The following SOAT1 variants were observed in gnomAD, a reference collection of about 807,000 sequenced individuals.
SOAT1 encodes the protein sterol O-acyltransferase 1.
A neutral mutation model predicts 69.5 loss-of-function variants in SOAT1; 55 were observed. The ratio of observed to expected loss-of-function variants is 0.79; its 90% CI spans 0.64 to 0.99. The LOEUF (loss-of-function observed/expected upper bound fraction) is 0.99, where lower values mean the gene tolerates loss of function less well. SOAT1 is among the 50% of genes least tolerant of loss of function. SOAT1 has a pLI of 0.00. For synonymous variants in SOAT1, 231 were observed against 224.7 expected (o/e 1.03, Z -0.25); for missense variants, 580 against 669.3 (o/e 0.87, Z 1.47).
At position 179,322,917 on chromosome 1, in the gene SOAT1, T is replaced by C. The variant is rs370966220; in HGVS notation, c.119-520T>C. 2.0e-5 allele frequency among the ~76,000 whole-genome samples: 3 copies of C among 152,222 alleles called. No individual in the cohort carries two copies. The East Asian group carries it at 5.8e-4, about 29-fold the overall frequency. On this transcript the variant is annotated intron_variant, in intron 2 of 15. Transcript: ENST00000367619. ...GACTTTGCCATTCTGTAAAGTATTG[T>C]CCTCTGTGTACTATTCTGCAAAAAT...
chr1:179,341,157 C>T lies in SOAT1; in HGVS notation c.627C>T (p.Gly209=), dbSNP rs1420665723. 6.2e-7 allele frequency: 1 copy of T among 1,614,100 alleles called. No homozygotes were observed. The highest frequency in any genetic ancestry group is 2.2e-5 in the East Asian group (1 of 44,876). ...TTCTGTTTCAACATTGGGCCACTGG[C>T]TATAGCAAGAGTTCTCATCCGCTGA... ...PYFLFQHWAT[G]YSKSSHPLIR... The change falls in exon 7 of 16, where the codon GGC becomes GGT. Residue 209 remains glycine, a synonymous_variant. Coordinates refer to ENST00000367619, the MANE Select transcript of SOAT1 (RefSeq NM_003101.6).
At chr1:179,329,500 C>A (rs867798862) in intron 3 of SOAT1, among the ~76,000 whole-genome samples, 1 of 151,980 alleles carries the variant, frequency 6.6e-6, no homozygotes, top group Non-Finnish European at 1.5e-5. Context: ...TTGAGGCTGG[C>A]GGATCACATG....
intron 12 of SOAT1, among the ~76,000 whole-genome samples, chr1:179,348,454 G>A (rs1274645283): frequency 6.6e-6 from 1 of 152,094 alleles, no homozygotes; most frequent in African/African-American, 2.4e-5. Context: ...TCTAGTGTTA[G>A]CACTCTCTCT....
intron 9 of SOAT1, 25 bp downstream of exon 9, chr1:179,342,968 G>A (rs770517331): frequency 8.0e-5 from 125 of 1,570,518 alleles, no homozygotes; most frequent in Non-Finnish European, 9.5e-5. Context: ...AACCAGAAAT[G>A]TGGTAAACAC....
chr1:179,337,221 A>G (rs1219443470), intron 4 of SOAT1, among the ~76,000 whole-genome samples: 1 of 152,170 alleles, frequency 6.6e-6, no homozygotes, highest in African/African-American at 2.4e-5. Flanking sequence ...GTTTTGACCA[A>G]TTATAGTTAA....
intron 2 of SOAT1, 125 bp from the exon 3 acceptor site, chr1:179,323,309 GTTT>G (rs1665670750): frequency 3.0e-6 from 2 of 677,262 alleles, no homozygotes; most frequent in East Asian, 5.6e-5. Flanking sequence ...ATGCTGTCGT[GTTT>G]TATGGTTGCA....
At chr1:179,296,103 G>A (rs1199624712) in intron 1 of SOAT1, among the ~76,000 whole-genome samples, 1 of 148,180 alleles carries the variant, frequency 6.7e-6, no homozygotes, top group Non-Finnish European at 1.5e-5. Flanking sequence ...TTACAGGCGT[G>A]AGCCACCGCG....
intron 3 of SOAT1, among the ~76,000 whole-genome samples, chr1:179,325,098 G>C (rs1665735556): frequency 1.3e-5 from 2 of 150,808 alleles, no homozygotes; most frequent in South Asian, 4.2e-4. Flanking sequence ...ACCACACCCG[G>C]CTGGCACGTG....
intron 15 of SOAT1, among the ~76,000 whole-genome samples, chr1:179,353,216 T>TATAAATATAAATATATATATATAA (rs1666802215): frequency 9.3e-5 from 11 of 117,740 alleles, no homozygotes; most frequent in Non-Finnish European, 1.2e-4. Flanking sequence ...TAAATATATA[T>TATAAATATAAATATATATATATAA]ATATATATCT....
In SOAT1 at chr1:179,313,171, G is replaced by A. The variant is rs964886111; in HGVS notation, c.119-10266G>A. Among the ~76,000 whole-genome samples, 5 of 152,272 alleles carry A rather than the reference G, an allele frequency of 3.3e-5. No individual in the cohort carries two copies. The East Asian group carries it at 5.8e-4, about 18-fold the overall frequency. Reference sequence around the variant, plus strand: ...ATCTAGAACAAAGTTGGCAAACGTGGCCGTGTTCATTCTTTTGTGTTTGTA... The same window carrying A: ...ATCTAGAACAAAGTTGGCAAACGTGACCGTGTTCATTCTTTTGTGTTTGTA... On this transcript the variant is annotated intron_variant, in intron 2 of 15. Coordinates refer to ENST00000367619, the MANE Select transcript of SOAT1 (RefSeq NM_003101.6).
Position 179,341,363 on chromosome 1 carries a change from T to C in SOAT1, c.780+53T>C, listed in dbSNP as rs1046014160. On this transcript the variant is annotated intron_variant, in intron 7 of 15. Coordinates refer to ENST00000367619, the MANE Select transcript of SOAT1 (RefSeq NM_003101.6). ...ATGCTGTCCTCGGCTAAAATAATAATAATGATGATGACATACTGATACTAT... is the reference window on the plus strand; with the variant it reads ...ATGCTGTCCTCGGCTAAAATAATAACAATGATGATGACATACTGATACTAT... 4.6e-6 allele frequency: 7 copies of C among 1,508,090 alleles called. No individual in the cohort carries two copies. In the African/African-American group the frequency reaches 9.7e-5, roughly 21 times the overall value. The allele number at this position is 1,508,090 out of a possible 1,614,324, so 93.4% of individuals were successfully genotyped here.
chr1:179,334,852 C>G (rs1001074654), intron 3 of SOAT1, among the ~76,000 whole-genome samples: 1 of 151,482 alleles, frequency 6.6e-6, no homozygotes, highest in African/African-American at 2.4e-5. Flanking sequence ...CCTGTCTCTA[C>G]GAAAAATACA....
chr1:179,325,509 T>C (rs1053558136), intron 3 of SOAT1, among the ~76,000 whole-genome samples: 3 of 152,194 alleles, frequency 2.0e-5, no homozygotes, highest in African/African-American at 7.2e-5. Flanking sequence ...TTTATTTCTC[T>C]AGTCAGGCAG....
intron 4 of SOAT1, among the ~76,000 whole-genome samples, 185 bp downstream of exon 4, chr1:179,335,842 A>G (rs1666130145): frequency 6.6e-6 from 1 of 152,158 alleles, no homozygotes; most frequent in African/African-American, 2.4e-5. Context: ...TTACATATAA[A>G]TTATAACATA....
At chr1:179,331,167 G>A (rs966738155) in intron 3 of SOAT1, among the ~76,000 whole-genome samples, 1 of 152,146 alleles carries the variant, frequency 6.6e-6, no homozygotes, top group African/African-American at 2.4e-5. Flanking sequence ...ATGCACGAGT[G>A]TAAGAATCTC....
At chr1:179,303,091 G>A (rs1010873295) in intron 2 of SOAT1, among the ~76,000 whole-genome samples, 3 of 152,082 alleles carry the variant, frequency 2.0e-5, no homozygotes, top group African/African-American at 7.2e-5. Context: ...TGATCAGTAC[G>A]GATTTGTTTG....
chr1:179,323,307 G>A (rs2902277), intron 2 of SOAT1, 130 bp from the exon 3 acceptor site: 337,947 of 634,924 alleles, frequency 0.53, 93,653 homozygotes, highest in East Asian at 0.85. Context: ...CCATGCTGTC[G>A]TGTTTTATGG....
chr1:179,332,605 C>A (rs1666007383), intron 3 of SOAT1, among the ~76,000 whole-genome samples: 1 of 152,188 alleles, frequency 6.6e-6, no homozygotes, highest in Admixed American at 6.5e-5. Flanking sequence ...GGTGCTAGGG[C>A]TGTCAGAGTC....
intron 5 of SOAT1, among the ~76,000 whole-genome samples, chr1:179,338,703 G>T (rs1359895376): frequency 6.6e-6 from 1 of 152,036 alleles, no homozygotes; most frequent in African/African-American, 2.4e-5. Context: ...TTATAATTAG[G>T]ATTTTAATGA....
Sources: allele counts gnomAD v4.1 joint callset (sites outside exome capture counted in the v4.1 genomes callset), GRCh38; gene constraint gnomAD v4.1.1; transcripts MANE v1.5; gene names NCBI Gene and HGNC (gene_info 2026-07-23, HGNC 2026-07-21).